The following THRB variants were observed in gnomAD, a reference collection of about 807,000 sequenced individuals.
THRB encodes the protein thyroid hormone receptor beta.
In THRB, 12 loss-of-function variants were observed where a neutral mutation model predicts 47.8. That is an observed-to-expected ratio of 0.25 (90% CI 0.16 to 0.41). The LOEUF is 0.41. Among genes scored for constraint, THRB ranks in the 10% least tolerant of loss-of-function variants. The probability of loss-of-function intolerance (pLI) is 1.00; values close to 1 mark genes in which losing one functional copy is unlikely to be tolerated. For synonymous variants in THRB, 218 were observed against 212.2 expected, an observed-to-expected ratio of 1.03 and a Z score of -0.24; for missense variants, 348 against 589.2, an observed-to-expected ratio of 0.59 and a Z score of 4.24.
chr3:24,137,600 G>C (rs1310726628), intron 8 of THRB, among the ~76,000 whole-genome samples: 1 of 152,164 alleles, frequency 6.6e-6, no homozygotes, highest in Admixed American at 6.5e-5. Flanking sequence ...CCCAAAGCCA[G>C]AAAGGAGGCC....
intron 5 of THRB, among the ~76,000 whole-genome samples, chr3:24,156,179 T>A (rs907038733): frequency 1.2e-4 from 18 of 152,358 alleles, no homozygotes; most frequent in African/African-American, 4.3e-4. Context: ...ACTTGTCATG[T>A]AGAAGGGGAA....
At chr3:24,335,698 C>T (rs2062205266) in intron 2 of THRB, among the ~76,000 whole-genome samples, 1 of 152,152 alleles carries the variant, frequency 6.6e-6, no homozygotes, top group African/African-American at 2.4e-5. Flanking sequence ...TGATTCTTAC[C>T]ACCACAGATT....
intron 1 of THRB, among the ~76,000 whole-genome samples, chr3:24,360,712 A>T (rs1427123304): frequency 6.6e-6 from 1 of 152,154 alleles, no homozygotes; most frequent in Non-Finnish European, 1.5e-5. Context: ...ATTGTTTTAT[A>T]TAGTTCACTT....
rs1451926055 is a variant in THRB at position 24,119,708 on chromosome 3, G to A, written c.*3176C>T. The A allele has an allele frequency of 6.6e-6, 1 of 152,240 alleles. No homozygotes were observed. The highest frequency in any genetic ancestry group is 1.5e-5 in the Non-Finnish European group (1 of 68,076). The allele number at this position is 152,240 out of a possible 1,614,324, so 9.4% of individuals were successfully genotyped here. A position where few individuals can be genotyped will look rare whatever the true frequency, so the allele number is the denominator to read the frequency against. On this transcript the variant is annotated 3_prime_UTR_variant, in exon 11 of 11. Coordinates refer to ENST00000646209, the MANE Select transcript of THRB (RefSeq NM_001354712.2). Reference sequence around the variant, plus strand: ...CTTCGCTGGGCTGAGGCATCAACAGGTCAAGCGCGTCATTGAGGACCGAGG... The same window carrying A: ...CTTCGCTGGGCTGAGGCATCAACAGATCAAGCGCGTCATTGAGGACCGAGG...
At chr3:24,232,942 G>T (rs2048397355) in intron 3 of THRB, among the ~76,000 whole-genome samples, 1 of 152,174 alleles carries the variant, frequency 6.6e-6, no homozygotes, top group Admixed American at 6.5e-5. Context: ...TTTATAAGCT[G>T]GTTGGGAAGG....
chr3:24,333,126 A>T (rs1200861197), intron 2 of THRB, among the ~76,000 whole-genome samples: 1 of 152,030 alleles, frequency 6.6e-6, no homozygotes, highest in African/African-American at 2.4e-5. Context: ...GAAACAAAAA[A>T]ACCTGAAACC....
intron 5 of THRB, among the ~76,000 whole-genome samples, chr3:24,180,344 C>G (rs1471570096): frequency 6.6e-6 from 1 of 152,176 alleles, no homozygotes; most frequent in Non-Finnish European, 1.5e-5. Flanking sequence ...AATAAACCAT[C>G]AACCCACACA....
At chr3:24,145,481 A>C (rs2149023959) in intron 7 of THRB, among the ~76,000 whole-genome samples, 1 of 152,332 alleles carries the variant, frequency 6.6e-6, no homozygotes, top group African/African-American at 2.4e-5. Flanking sequence ...AGTTTGTCAT[A>C]GTGGCATATC....
chr3:24,304,636 A>T (rs2057206214), intron 2 of THRB, among the ~76,000 whole-genome samples: 1 of 152,168 alleles, frequency 6.6e-6, no homozygotes, highest in African/African-American at 2.4e-5. Flanking sequence ...GAAGAACAAA[A>T]ATGTAAACCT....
chr3:24,369,810 T>G (rs2064769957), intron 1 of THRB, among the ~76,000 whole-genome samples: 1 of 152,170 alleles, frequency 6.6e-6, no homozygotes, highest in Non-Finnish European at 1.5e-5. Context: ...TATAATCATT[T>G]ATTTTGAATC....
At chr3:24,360,146 A>T (rs113157518) in intron 1 of THRB, among the ~76,000 whole-genome samples, 32 of 152,128 alleles carry the variant, frequency 2.1e-4, no homozygotes, top group African/African-American at 7.5e-4. Flanking sequence ...TAGTAGCAAC[A>T]TTTATTGATT....
rs557234946 is a variant in THRB, at chr3:24,295,335, A to G, written c.-43+1891T>C. Among the ~76,000 whole-genome samples, 12 of 152,334 alleles carry G rather than the reference A, an allele frequency of 7.9e-5. No homozygotes were observed. In the South Asian group the frequency reaches 2.5e-3, roughly 32 times the overall value. On this transcript the variant is annotated intron_variant, in intron 3 of 10. Coordinates refer to ENST00000646209, the MANE Select transcript of THRB (RefSeq NM_001354712.2). ...GAAGGTACATTTTTCTTTGGGGACT[A>G]TTTTACTACACAATAATACAGTATA...
chr3:24,321,955 A>G (rs955874215), intron 2 of THRB, among the ~76,000 whole-genome samples: 2 of 152,140 alleles, frequency 1.3e-5, no homozygotes, highest in Admixed American at 1.3e-4. Flanking sequence ...ATTAAAATAA[A>G]TTTCACCTTT....
intron 3 of THRB, among the ~76,000 whole-genome samples, chr3:24,278,501 C>G: frequency 6.6e-6 from 1 of 152,112 alleles, no homozygotes; most frequent in East Asian, 1.9e-4. Context: ...CCTATTTTTG[C>G]TTCTGAATAG....
chr3:24,297,112 G>C (rs887636960), intron 3 of THRB, 114 bp downstream of exon 3: 2 of 152,236 alleles, frequency 1.3e-5, no homozygotes, highest in African/African-American at 4.8e-5. Context: ...GGTTAGAAAG[G>C]AGACAATGAA....
intron 3 of THRB, among the ~76,000 whole-genome samples, chr3:24,258,245 A>G (rs1237915310): frequency 6.6e-6 from 1 of 152,140 alleles, no homozygotes; most frequent in Non-Finnish European, 1.5e-5. Context: ...AAGAACCAAC[A>G]GGGTGGGAGG....
At chr3:24,185,280 T>G (rs958153293) in intron 5 of THRB, among the ~76,000 whole-genome samples, 2 of 152,196 alleles carry the variant, frequency 1.3e-5, no homozygotes, top group Non-Finnish European at 1.5e-5. Flanking sequence ...TGCTAGGCAT[T>G]AAAAGCTGGT....
At chr3:24,247,450 G>C (rs2050215006) in intron 3 of THRB, among the ~76,000 whole-genome samples, 1 of 152,152 alleles carries the variant, frequency 6.6e-6, no homozygotes, top group African/African-American at 2.4e-5. Context: ...ACATTTTACA[G>C]TTGGGGGAAC....
chr3:24,347,368 G>T (rs1444714453), intron 1 of THRB, among the ~76,000 whole-genome samples: 1 of 151,686 alleles, frequency 6.6e-6, no homozygotes, highest in Non-Finnish European at 1.5e-5. Flanking sequence ...ACCATATTAG[G>T]GTCAACAAAA....
Sources: gnomAD v4.1 joint callset for allele counts (sites outside exome capture counted in the v4.1 genomes callset) on GRCh38, gnomAD v4.1.1 for gene constraint, MANE v1.5 for transcripts, NCBI Gene and HGNC (gene_info 2026-07-23, HGNC 2026-07-21) for gene names.